WWP2: variants seen among roughly 807,000 people sequenced by gnomAD.
WWP2 encodes the protein NEDD4-like E3 ubiquitin-protein ligase WWP2.
In WWP2, 57 loss-of-function variants were observed where a neutral mutation model predicts 121.0. The observed-to-expected ratio is 0.47, with a 90% CI of 0.38 to 0.59. WWP2 has a LOEUF of 0.59. Ranked by LOEUF, WWP2 falls within the 20% of genes least tolerant of loss-of-function variation. The probability of loss-of-function intolerance (pLI) is 0.00; values close to 1 mark genes in which losing one functional copy is unlikely to be tolerated. For synonymous variants in WWP2, 449 were observed against 441.3 expected, an observed-to-expected ratio of 1.02 and a Z score of -0.22; for missense variants, 962 against 1,158.9, an observed-to-expected ratio of 0.83 and a Z score of 2.47.
rs1473692136 is a variant in WWP2 at position 69,939,890 on chromosome 16, G to A, written c.2563G>A (p.Glu855Lys). The change falls in exon 24 of 24, where the codon GAG becomes AAG. Residue 855 changes from glutamate to lysine, a missense_variant. By Grantham distance (56) the Glu-to-Lys change is moderately conservative. Transcript: ENST00000359154. Reference protein sequence around the residue: ...PPYKSYEQLREKLLYAIEETE... With the variant: ...PPYKSYEQLRKKLLYAIEETE... Reference sequence around the variant, plus strand: ...CTACAAGAGCTACGAACAGCTGAGAGAGAAGCTGCTGTATGCCATTGAGGA... The same window carrying A: ...CTACAAGAGCTACGAACAGCTGAGAAAGAAGCTGCTGTATGCCATTGAGGA... 6.2e-7 allele frequency: 1 copy of A among 1,613,876 alleles called. No individual in the cohort carries two copies. Among genetic ancestry groups the A allele is most frequent in the Non-Finnish European group, 8.5e-7 (1 of 1,179,954 alleles).
chr16:69,856,155 C>G (rs751180681), intron 6 of WWP2, among the ~76,000 whole-genome samples: 5 of 152,152 alleles, frequency 3.3e-5, no homozygotes. Context: ...AGTAACTTAA[C>G]AACGTGAATG....
chr16:69,924,396 G>A lies in WWP2; in HGVS notation c.1180-1034G>A, dbSNP rs948371145. ...TTAGAACTTGATCCCCTCTTATAAC[G>A]ATTAAATTTTAGTAAGTAAAATAAA... On this transcript the variant is annotated intron_variant, in intron 10 of 23. Coordinates refer to ENST00000359154, the MANE Select transcript of WWP2 (RefSeq NM_001270454.2). Among the ~76,000 whole-genome samples the A allele has an allele frequency of 4.6e-5, 7 of 152,118 alleles. No individual in the cohort carries two copies. The East Asian group carries it at 7.7e-4, about 17-fold the overall frequency.
At chr16:69,802,157 T>C (rs1386888094) in intron 4 of WWP2, among the ~76,000 whole-genome samples, 3 of 152,108 alleles carry the variant, frequency 2.0e-5, no homozygotes, top group Admixed American at 2.0e-4. Flanking sequence ...CTCGATCTCC[T>C]GACCTCGTGA....
intron 9 of WWP2, among the ~76,000 whole-genome samples, chr16:69,915,977 G>A (rs1450893517): frequency 3.3e-5 from 5 of 151,144 alleles, no homozygotes; most frequent in Non-Finnish European, 7.4e-5. Flanking sequence ...AGGTGAGGCT[G>A]CAGTGAGCCA....
chr16:69,771,624 C>T (rs1266301638), intron 1 of WWP2, among the ~76,000 whole-genome samples: 5 of 152,102 alleles, frequency 3.3e-5, no homozygotes, highest in Admixed American at 2.0e-4. Context: ...ATTGTTTTGG[C>T]GATTCTGGGT....
At chr16:69,918,405 G>T (rs2058507329) in intron 10 of WWP2, among the ~76,000 whole-genome samples, 1 of 152,168 alleles carries the variant, frequency 6.6e-6, no homozygotes, top group African/African-American at 2.4e-5. Context: ...TAGTCCATGG[G>T]CCAAGCTGGC....
rs149893009 is a variant in WWP2, at chr16:69,910,652, G to A, written c.1004+1802G>A. Among the ~76,000 whole-genome samples the A allele has an allele frequency of 5.3e-5, 8 of 152,176 alleles. No individual in the cohort carries two copies. In the East Asian group the frequency reaches 1.2e-3, roughly 22 times the overall value. ...TCTTGAACTCTTGACCTTGTGATTC[G>A]CCTGCCTTTGCCTCCCAAAGTGCTG... On this transcript the variant is annotated intron_variant, in intron 9 of 23. Transcript: ENST00000359154.
chr16:69,815,030 C>G (rs574330774), intron 4 of WWP2, among the ~76,000 whole-genome samples: 1 of 151,968 alleles, frequency 6.6e-6, no homozygotes, highest in Non-Finnish European at 1.5e-5. Flanking sequence ...GATGGAGTCT[C>G]ACTCCTCTGT....
intron 11 of WWP2, among the ~76,000 whole-genome samples, chr16:69,928,349 C>G (rs1251301921): frequency 1.3e-5 from 2 of 151,414 alleles, no homozygotes; most frequent in African/African-American, 2.5e-5. Context: ...AGCTTTACCC[C>G]CTAGTTTTTT....
In WWP2 at chr16:69,903,781, AGAAAG is replaced by A. The variant is rs796123274; in HGVS notation, c.915-4979_915-4975del. ...GAATCTGTCTCAAAAAAAAAAAAAA[AGAAAG>A]AAAGAAAAATGTGTTTAAGTTTTGT... On this transcript the variant is annotated intron_variant, in intron 8 of 23. Transcript: ENST00000359154. Among the ~76,000 whole-genome samples, 836 of 151,236 alleles carry A rather than the reference AGAAAG, an allele frequency of 5.5e-3. 10 individuals carry two copies. The highest frequency in any genetic ancestry group is 0.02 in the African/African-American group (802 of 40,782).
chr16:69,937,768 A>C lies in WWP2; in HGVS notation c.2343+116A>C. 1.1e-6 allele frequency: 1 copy of C among 933,948 alleles called. No homozygotes were observed. Among genetic ancestry groups the C allele is most frequent in the Non-Finnish European group, 1.6e-6 (1 of 612,792 alleles). 57.9% of individuals were successfully genotyped at this position (933,948 alleles called of 1,614,324 possible). ...AGCTTTGGCCCTGTCCTTGCCTCCC[A>C]CACCTTGCAAAAGGAGACGATAGAC... is the stretch of plus-strand genomic sequence containing the variant. On this transcript the variant is annotated intron_variant, in intron 21 of 23. Transcript: ENST00000359154. This position sits in a 1 kb window ranked among gnomAD's most constrained non-coding sequence, Gnocchi z 6.6.
intron 8 of WWP2, among the ~76,000 whole-genome samples, chr16:69,894,656 G>A (rs1237233241): frequency 1.3e-5 from 2 of 152,236 alleles, no homozygotes; most frequent in Non-Finnish European, 2.9e-5. Flanking sequence ...GAAGGGGCTA[G>A]TGAGATAGTG....
chr16:69,824,492 A>ATCCCTCCC (rs1567686694), intron 4 of WWP2, among the ~76,000 whole-genome samples: 4 of 149,180 alleles, frequency 2.7e-5, no homozygotes, highest in African/African-American at 9.9e-5. Flanking sequence ...AGAAAATAAT[A>ATCCCTCCC]TCCCTCCCTC....
chr16:69,894,200 C>T lies in WWP2; in HGVS notation c.914+5951C>T, dbSNP rs142559113. Among the ~76,000 whole-genome samples the T allele has an allele frequency of 3.0e-3, 455 of 151,852 alleles. 7 individuals are homozygous for T. Among genetic ancestry groups the T allele is most frequent in the African/African-American group, 0.01 (419 of 41,394 alleles). On this transcript the variant is annotated intron_variant, in intron 8 of 23. Coordinates refer to ENST00000359154, the MANE Select transcript of WWP2 (RefSeq NM_001270454.2). ...AAGTAATACTCCTGCCTCGGCCTCC[C>T]GAGTAGCTGGGACTACAGGCGCATG...
intron 1 of WWP2, among the ~76,000 whole-genome samples, chr16:69,782,726 A>G (rs1211996412): frequency 6.6e-6 from 1 of 152,256 alleles, no homozygotes; most frequent in Non-Finnish European, 1.5e-5. Flanking sequence ...CACATAAGAC[A>G]AATTCTGTTC....
intron 4 of WWP2, among the ~76,000 whole-genome samples, chr16:69,818,113 A>G (rs1349459688): frequency 6.8e-6 from 1 of 147,858 alleles, no homozygotes; most frequent in Non-Finnish European, 1.5e-5. Flanking sequence ...AGTCTTTTTA[A>G]CTTACCTTAG....
chr16:69,799,355 G>C lies in WWP2; in HGVS notation c.340+60G>C, dbSNP rs1597687119. On this transcript the variant is annotated intron_variant, in intron 4 of 23. Transcript: ENST00000359154. This position sits in a 1 kb window ranked among gnomAD's most constrained non-coding sequence, Gnocchi z 4.5. ...TGGGTGGGGATGGGAGGACCTGGCA[G>C]ATCAACCTGGTATTGCAATTTCCCC... 2 of 1,581,060 alleles carry C rather than the reference G, an allele frequency of 1.3e-6. No individual in the cohort carries two copies. Among genetic ancestry groups the C allele is most frequent in the African/African-American group, 2.7e-5 (2 of 74,224 alleles).
At position 69,908,794 on chromosome 16, in the gene WWP2, C is replaced by T; in HGVS notation, c.948C>T (p.Val316=). 1 of 1,614,230 alleles carries T rather than the reference C, an allele frequency of 6.2e-7. No homozygotes were observed. The highest frequency in any genetic ancestry group is 8.5e-7 in the Non-Finnish European group (1 of 1,180,034). ...WEQRELPNGR[V]YYVDHNTKTT... ...AGCGAGAGCTGCCCAACGGACGTGT[C>T]TATTATGTTGACCACAATACCAAGA... is the stretch of plus-strand genomic sequence containing the variant. The change falls in exon 9 of 24, where the codon GTC becomes GTT. Residue 316 remains valine (V), a synonymous_variant. Transcript: ENST00000359154.
At chr16:69,854,812 A>C (rs1306879168) in intron 6 of WWP2, among the ~76,000 whole-genome samples, 1 of 152,116 alleles carries the variant, frequency 6.6e-6, no homozygotes, top group Non-Finnish European at 1.5e-5. Flanking sequence ...TGGCCTCCCA[A>C]AGTGCTGGGA....
Sources: gnomAD v4.1 joint callset for allele counts (sites outside exome capture counted in the v4.1 genomes callset) on GRCh38, gnomAD v4.1.1 for gene constraint, Gnocchi (gnomAD v3.1) non-coding constraint, MANE v1.5 for transcripts, NCBI Gene and HGNC (gene_info 2026-07-23, HGNC 2026-07-21) for gene names.